The following NOS2 variants were observed in gnomAD, a reference collection of about 807,000 sequenced individuals.
The protein encoded by NOS2 is nitric oxide synthase, inducible.
Under a neutral mutation model 136.0 loss-of-function variants are expected in NOS2, and 96 were observed. That is an observed-to-expected ratio of 0.71 (90% CI 0.60 to 0.84). NOS2 has a LOEUF of 0.84. NOS2 is among the 40% of genes least tolerant of loss of function. The pLI, the probability that NOS2 is intolerant of heterozygous loss-of-function variation, is 0.00. For missense variants in NOS2, 1,237 were observed against 1,496.9 expected (o/e 0.83, Z 2.87); for synonymous variants, 539 against 587.5 (o/e 0.92, Z 1.20).
intron 21 of NOS2, 31 bp from the exon 22 acceptor site, chr17:27,763,036 GGGCGCCTGTCCC>G (rs757527820): frequency 3.8e-5 from 57 of 1,481,524 alleles, no homozygotes; most frequent in Admixed American, 1.2e-4. Flanking sequence ...CAGTGACTCA[GGGCGCCTGTCCC>G]GCTTTGGGGA....
At chr17:27,760,776 C>A in intron 23 of NOS2, 32 bp from the exon 24 acceptor site, 2 of 1,543,398 alleles carry the variant, frequency 1.3e-6, no homozygotes, top group Non-Finnish European at 8.7e-7. Context: ...GGGGCCAGTC[C>A]TCAGACACCC....
intron 9 of NOS2, among the ~76,000 whole-genome samples, chr17:27,779,930 G>A (rs1199409327): frequency 6.6e-6 from 1 of 152,228 alleles, no homozygotes; most frequent in African/African-American, 2.4e-5. Context: ...CTATGTGCCA[G>A]GCACTCTGCT....
chr17:27,789,581 C>G, intron 3 of NOS2, 23 bp downstream of exon 3: 1 of 1,583,366 alleles, frequency 6.3e-7, no homozygotes, highest in South Asian at 1.1e-5. Flanking sequence ...AAGGGGCTTC[C>G]CACACCCATG....
chr17:27,778,336 G>A (rs921009798), intron 11 of NOS2, among the ~76,000 whole-genome samples: 47 of 152,156 alleles, frequency 3.1e-4, no homozygotes, highest in African/African-American at 1.1e-3. Context: ...TGGCTGGAGG[G>A]AGCCTGAGGT....
intron 2 of NOS2, among the ~76,000 whole-genome samples, chr17:27,795,669 T>C (rs575474476): frequency 6.6e-6 from 1 of 152,334 alleles, no homozygotes; most frequent in South Asian, 2.1e-4. Context: ...AAAATTACTT[T>C]AACTTTCTGG....
chr17:27,768,915 T>C (rs190670847), intron 17 of NOS2, 62 bp downstream of exon 17: 1 of 1,487,572 alleles, frequency 6.7e-7, no homozygotes, highest in Admixed American at 2.1e-5. Flanking sequence ...AGCACAGATG[T>C]CCTAGGCATG....
intron 11 of NOS2, among the ~76,000 whole-genome samples, chr17:27,775,048 C>T (rs1156422896): frequency 6.6e-6 from 1 of 152,274 alleles, no homozygotes; most frequent in African/African-American, 2.4e-5. Flanking sequence ...TGTGGCAACC[C>T]ATTCAGTCAA....
chr17:27,764,875 C>T (rs1908246212), intron 20 of NOS2, among the ~76,000 whole-genome samples: 1 of 152,266 alleles, frequency 6.6e-6, no homozygotes, highest in Non-Finnish European at 1.5e-5. Context: ...CCACATCCTT[C>T]ACCCTACAGT....
At chr17:27,797,288 G>A (rs1047058304) in intron 2 of NOS2, among the ~76,000 whole-genome samples, 1 of 152,196 alleles carries the variant, frequency 6.6e-6, no homozygotes, top group South Asian at 2.1e-4. Flanking sequence ...CAACACCACC[G>A]CTAATGATAG....
At chr17:27,759,176 G>A (rs1175630251) in intron 25 of NOS2, 101 bp from the exon 26 acceptor site, 1 of 798,314 alleles carries the variant, frequency 1.3e-6, no homozygotes, top group African/African-American at 1.8e-5. Flanking sequence ...GGGCACTAAG[G>A]GGTGAGGAGT....
intron 5 of NOS2, among the ~76,000 whole-genome samples, chr17:27,783,622 G>A (rs1480972483): frequency 8.5e-5 from 13 of 152,182 alleles, no homozygotes; most frequent in Non-Finnish European, 1.5e-5. Flanking sequence ...ACCCACATGA[G>A]CCAGGCACTG....
chr17:27,791,210 A>G (rs925416257), intron 2 of NOS2, among the ~76,000 whole-genome samples: 3 of 152,240 alleles, frequency 2.0e-5, no homozygotes, highest in Non-Finnish European at 2.9e-5. Context: ...AAGGGATTCC[A>G]CAACCCTGTA....
intron 5 of NOS2, among the ~76,000 whole-genome samples, chr17:27,785,959 A>C (rs1430948167): frequency 1.1e-5 from 1 of 91,460 alleles, no homozygotes; most frequent in African/African-American, 4.9e-5. Flanking sequence ...CCGAGTCTCA[A>C]AAAAAAAAAA....
chr17:27,789,076 G>T, intron 3 of NOS2, 145 bp from the exon 4 acceptor site: 2 of 1,142,822 alleles, frequency 1.8e-6, no homozygotes, highest in Non-Finnish European at 2.4e-6. Flanking sequence ...GCCCCCGGGC[G>T]ACCTGGGCCA....
chr17:27,791,535 T>C (rs1420528657), intron 2 of NOS2, among the ~76,000 whole-genome samples: 1 of 152,118 alleles, frequency 6.6e-6, no homozygotes, highest in Admixed American at 6.5e-5. Context: ...GAAGTTTTTC[T>C]TGGTAATTTT....
chr17:27,767,941 C>T lies in NOS2; in HGVS notation c.2035-104G>A. 2.1e-6 allele frequency: 3 copies of T among 1,456,154 alleles called. No individual in the cohort carries two copies. In the South Asian group the frequency reaches 3.7e-5, roughly 18 times the overall value. 90.2% of individuals were successfully genotyped at this position (1,456,154 alleles called of 1,614,324 possible). ...CCCTTACCATGGGCCAAACACTGAGCCGTGTGTTTCGTGTAACTTCGAAGC... is the reference window on the plus strand; with the variant it reads ...CCCTTACCATGGGCCAAACACTGAGTCGTGTGTTTCGTGTAACTTCGAAGC... On this transcript the variant is annotated intron_variant, in intron 17 of 26. Coordinates refer to ENST00000313735, the MANE Select transcript of NOS2 (RefSeq NM_000625.4).
chr17:27,778,663 T>C, intron 11 of NOS2, 27 bp downstream of exon 11: 1 of 1,586,750 alleles, frequency 6.3e-7, no homozygotes. Context: ...CCAAAAAGTC[T>C]TCAGACTCAC....
intron 11 of NOS2, among the ~76,000 whole-genome samples, chr17:27,776,738 C>T (rs1908672116): frequency 6.8e-6 from 1 of 146,060 alleles, no homozygotes; most frequent in Admixed American, 6.8e-5. Flanking sequence ...ACATAATAAA[C>T]AGTAAGAAAA....
chr17:27,793,488 A>T (rs1010304581), intron 2 of NOS2: 1 of 392,904 alleles, frequency 2.5e-6, no homozygotes, highest in Admixed American at 4.4e-5. Context: ...CACAGAGCGC[A>T]CATCCCCGCC....
Sources: allele counts gnomAD v4.1 joint callset (sites outside exome capture counted in the v4.1 genomes callset), GRCh38; gene constraint gnomAD v4.1.1; transcripts MANE v1.5; gene names NCBI Gene and HGNC (gene_info 2026-07-23, HGNC 2026-07-21).